Variants in UBE2L3 observed in about 807,000 individuals in gnomAD.
UBE2L3 encodes ubiquitin conjugating enzyme E2 L3.
UBE2L3 carries 1 observed loss-of-function variant against 17.8 expected under a neutral mutation model. The observed-to-expected ratio is 0.06, with a 90% CI of 0.02 to 0.27. The LOEUF (loss-of-function observed/expected upper bound fraction) is 0.27. Among genes scored for constraint, UBE2L3 ranks in the 10% least tolerant of loss-of-function variants. The pLI, the probability that UBE2L3 is intolerant of heterozygous loss-of-function variation, is 1.00. For missense variants in UBE2L3, 40 were observed against 192.6 expected (o/e 0.21, Z 4.69); for synonymous variants, 44 against 68.5 (o/e 0.64, Z 1.76).
intron 1 of UBE2L3, among the ~76,000 whole-genome samples, chr22:21,585,489 C>G (rs1446032273): frequency 4.6e-5 from 7 of 152,182 alleles, no homozygotes. Context: ...CACTTCCCAC[C>G]AGGGTGACTT....
At chr22:21,615,170 C>T (rs1202004713) in intron 3 of UBE2L3, among the ~76,000 whole-genome samples, 1 of 151,522 alleles carries the variant, frequency 6.6e-6, no homozygotes, top group South Asian at 2.1e-4. Flanking sequence ...CAAAACAAAA[C>T]AAACAACAAA....
At chr22:21,566,517 T>C (rs1926646100), upstream of UBE2L3, among the ~76,000 whole-genome samples, 1 of 151,198 alleles carries the variant, frequency 6.6e-6, no homozygotes, top group Non-Finnish European at 1.5e-5. Flanking sequence ...GCCTAGGAGG[T>C]CGAGGCGGCA....
At chr22:21,598,319 A>G (rs149575067) in intron 2 of UBE2L3, among the ~76,000 whole-genome samples, 30 of 151,746 alleles carry the variant, frequency 2.0e-4, no homozygotes, top group African/African-American at 6.8e-4. Context: ...TGCTTTTTCA[A>G]TGTAGGTATT....
chr22:21,595,395 G>A (rs1357340705), intron 2 of UBE2L3, among the ~76,000 whole-genome samples: 3 of 152,208 alleles, frequency 2.0e-5, no homozygotes, highest in Non-Finnish European at 4.4e-5. Context: ...TGCATTGGAC[G>A]GGCTGGGCCA....
At chr22:21,574,032 C>A (rs1018864277) in intron 1 of UBE2L3, among the ~76,000 whole-genome samples, 6 of 152,192 alleles carry the variant, frequency 3.9e-5, no homozygotes, top group Admixed American at 2.6e-4. Flanking sequence ...GGGGCCAGAT[C>A]TACATATCTC....
At chr22:21,589,737 C>G (rs1928156686) in intron 1 of UBE2L3, among the ~76,000 whole-genome samples, 1 of 152,142 alleles carries the variant, frequency 6.6e-6, no homozygotes, top group East Asian at 1.9e-4. Flanking sequence ...GTTTGTTTGC[C>G]TGTTTCTCTC....
intron 2 of UBE2L3, among the ~76,000 whole-genome samples, chr22:21,596,776 T>C (rs1035287830): frequency 6.6e-6 from 1 of 152,114 alleles, no homozygotes; most frequent in African/African-American, 2.4e-5. Context: ...CATAAGCCAT[T>C]GCGCCCATCC....
upstream of UBE2L3, among the ~76,000 whole-genome samples, chr22:21,563,207 A>T (rs1926507616): frequency 7.1e-6 from 1 of 141,702 alleles, no homozygotes; most frequent in Non-Finnish European, 1.5e-5. Flanking sequence ...GCGCCACTGC[A>T]CTCCAGCCTG....
intron 1 of UBE2L3, among the ~76,000 whole-genome samples, chr22:21,571,923 A>G (rs1926990459): frequency 6.6e-6 from 1 of 152,106 alleles, no homozygotes; most frequent in Non-Finnish European, 1.5e-5. Flanking sequence ...GGGGAGTTTT[A>G]TATGTGATGT....
chr22:21,585,380 G>T (rs1299831438), intron 1 of UBE2L3, among the ~76,000 whole-genome samples: 1 of 152,128 alleles, frequency 6.6e-6, no homozygotes, highest in Non-Finnish European at 1.5e-5. Flanking sequence ...CTGTGACTTG[G>T]GGTGTGGTTT....
chr22:21,584,178 A>T (rs1325565360), intron 1 of UBE2L3, among the ~76,000 whole-genome samples: 4 of 132,750 alleles, frequency 3.0e-5, no homozygotes, highest in African/African-American at 8.5e-5. Context: ...TCTGGCCTAA[A>T]TTTTTTTTTT....
At chr22:21,580,434 C>CTCTTT (rs1325873887) in intron 1 of UBE2L3, among the ~76,000 whole-genome samples, 2 of 152,072 alleles carry the variant, frequency 1.3e-5, no homozygotes, top group Admixed American at 6.6e-5. Flanking sequence ...GTTGGAATTA[C>CTCTTT]TCTTTTCTTT....
chr22:21,611,077 G>T, intron 3 of UBE2L3, 34 bp downstream of exon 3: 1 of 1,543,020 alleles, frequency 6.5e-7, no homozygotes, highest in South Asian at 1.3e-5. Flanking sequence ...CTCGGAGGGG[G>T]TCTTTGGGGG....
At chr22:21,601,492 T>C (rs1407171847) in intron 2 of UBE2L3, among the ~76,000 whole-genome samples, 1 of 151,566 alleles carries the variant, frequency 6.6e-6, no homozygotes, top group Non-Finnish European at 1.5e-5. Context: ...TTTTTGTATT[T>C]TTAGTAGAGA....
intron 1 of UBE2L3, among the ~76,000 whole-genome samples, chr22:21,576,970 A>C (rs1927341135): frequency 7.9e-6 from 1 of 126,004 alleles, no homozygotes. Context: ...TGCCTGGCTA[A>C]TTTTTTTTTT....
At chr22:21,594,218 T>C (rs1467534318) in intron 2 of UBE2L3, among the ~76,000 whole-genome samples, 3 of 152,268 alleles carry the variant, frequency 2.0e-5, no homozygotes, top group Admixed American at 2.0e-4. Context: ...TTTGTTCTCA[T>C]GGATGGATTG....
chr22:21,588,738 A>G (rs146060045), intron 1 of UBE2L3, among the ~76,000 whole-genome samples: 2,794 of 151,920 alleles, frequency 0.018, 43 homozygotes, highest in Non-Finnish European at 0.024. Flanking sequence ...ATCTTGGCTC[A>G]CTACAACCTC....
upstream of UBE2L3, chr22:21,567,522 A>T: frequency 1.1e-6 from 1 of 946,452 alleles, no homozygotes; most frequent in East Asian, 2.8e-5. Flanking sequence ...ACTGGTTGTA[A>T]CTGCCATCTG....
At chr22:21,569,911 G>T (rs1452730129) in intron 1 of UBE2L3, among the ~76,000 whole-genome samples, 1 of 152,200 alleles carries the variant, frequency 6.6e-6, no homozygotes, top group Non-Finnish European at 1.5e-5. Context: ...AAAGTCTCCT[G>T]CTCTTACTTG....
Sources: gnomAD v4.1 joint callset for allele counts (sites outside exome capture counted in the v4.1 genomes callset) on GRCh38, gnomAD v4.1.1 for gene constraint, MANE v1.5 for transcripts, NCBI Gene and HGNC (gene_info 2026-07-23, HGNC 2026-07-21) for gene names.